ST6GALNAC3: variants seen among roughly 807,000 people sequenced by gnomAD.
The protein encoded by ST6GALNAC3 is alpha-N-acetylgalactosaminide alpha-2,6-sialyltransferase 3.
ST6GALNAC3 carries 25 observed loss-of-function variants against 32.7 expected under a neutral mutation model. The observed-to-expected ratio is 0.76, with a 90% confidence interval of 0.56 to 1.07. The LOEUF is 1.07. Among genes scored for constraint, ST6GALNAC3 ranks in the 50% least tolerant of loss-of-function variants. The pLI, the probability that ST6GALNAC3 is intolerant of heterozygous loss-of-function variation, is 0.00. For synonymous variants in ST6GALNAC3, 129 were observed against 133.1 expected (o/e 0.97, Z 0.21); for missense variants, 355 against 382.4 (o/e 0.93, Z 0.60).
At chr1:76,435,244 G>A (rs1179332295) in intron 3 of ST6GALNAC3, among the ~76,000 whole-genome samples, 1 of 152,052 alleles carries the variant, frequency 6.6e-6, no homozygotes, top group African/African-American at 2.4e-5. Flanking sequence ...ATACAACAAA[G>A]AGGTGACTAT....
At chr1:76,165,589 T>C (rs536717805) in intron 1 of ST6GALNAC3, among the ~76,000 whole-genome samples, 2 of 152,170 alleles carry the variant, frequency 1.3e-5, no homozygotes, top group African/African-American at 4.8e-5. Context: ...CTTTGAGGAG[T>C]CACCAGTGTC....
intron 3 of ST6GALNAC3, among the ~76,000 whole-genome samples, chr1:76,595,834 C>G (rs1234762572): frequency 6.6e-6 from 1 of 152,072 alleles, no homozygotes; most frequent in African/African-American, 2.4e-5. Flanking sequence ...CTTTTACCCT[C>G]CCCACCAAAT....
At chr1:76,451,746 C>G (rs1657420479) in intron 3 of ST6GALNAC3, among the ~76,000 whole-genome samples, 1 of 152,166 alleles carries the variant, frequency 6.6e-6, no homozygotes, top group Non-Finnish European at 1.5e-5. Context: ...AGCAGACCTA[C>G]TGATTTGTGT....
chr1:76,344,697 A>G (rs1343757040), intron 2 of ST6GALNAC3, among the ~76,000 whole-genome samples: 1 of 152,208 alleles, frequency 6.6e-6, no homozygotes, highest in Non-Finnish European at 1.5e-5. Context: ...AGAATATGCT[A>G]TACTTTCCAA....
intron 2 of ST6GALNAC3, among the ~76,000 whole-genome samples, chr1:76,389,947 G>A (rs1002640158): frequency 6.6e-6 from 1 of 151,786 alleles, no homozygotes; most frequent in African/African-American, 2.4e-5. Context: ...TTTCATAATA[G>A]CCAGCAATTT....
intron 3 of ST6GALNAC3, among the ~76,000 whole-genome samples, chr1:76,563,417 C>T (rs927777666): frequency 3.9e-5 from 6 of 152,188 alleles, no homozygotes; most frequent in African/African-American, 1.2e-4. Context: ...CAAGAAGTCA[C>T]GCTCATTGCT....
rs530338367 is a variant in ST6GALNAC3 at position 76,420,217 on chromosome 1, G to A, written c.623+7800G>A. Among the ~76,000 whole-genome samples, 11 of 152,092 alleles carry A rather than the reference G, an allele frequency of 7.2e-5. No individual in the cohort carries two copies. The East Asian group carries it at 1.7e-3, about 24-fold the overall frequency. On this transcript the variant is annotated intron_variant, in intron 3 of 4. Transcript: ENST00000328299. The stretch of plus-strand genomic sequence containing the variant: ...ACAAGTTTCCAGGCCCGGCCATCCT[G>A]TTCATCTGCAGATGGCACTTTGAAT...
At chr1:76,164,010 G>C (rs1290875309) in intron 1 of ST6GALNAC3, among the ~76,000 whole-genome samples, 1 of 152,112 alleles carries the variant, frequency 6.6e-6, no homozygotes, top group African/African-American at 2.4e-5. Flanking sequence ...TTAAGATGTT[G>C]GATTTGTTGA....
intron 1 of ST6GALNAC3, among the ~76,000 whole-genome samples, chr1:76,096,656 A>G (rs1309610553): frequency 1.3e-5 from 2 of 151,802 alleles, no homozygotes; most frequent in African/African-American, 4.8e-5. Flanking sequence ...AAATAGCCCA[A>G]TGATTTATCA....
intron 2 of ST6GALNAC3, among the ~76,000 whole-genome samples, chr1:76,378,922 C>T (rs928612576): frequency 6.6e-6 from 1 of 151,934 alleles, no homozygotes; most frequent in Non-Finnish European, 1.5e-5. Context: ...TTTGAGATGG[C>T]GTCTCACTCT....
chr1:76,387,426 T>A (rs1055573432), intron 2 of ST6GALNAC3, among the ~76,000 whole-genome samples: 4 of 152,160 alleles, frequency 2.6e-5, no homozygotes, highest in Admixed American at 6.5e-5. Context: ...ATCTTTGTTA[T>A]CTTTTGCTAT....
chr1:76,488,763 A>G (rs1660301844), intron 3 of ST6GALNAC3, among the ~76,000 whole-genome samples: 1 of 152,056 alleles, frequency 6.6e-6, no homozygotes, highest in African/African-American at 2.4e-5. Context: ...CTCTGCACAA[A>G]TTTGTGAAGA....
At chr1:76,396,127 A>G (rs1424266365) in intron 2 of ST6GALNAC3, among the ~76,000 whole-genome samples, 1 of 152,146 alleles carries the variant, frequency 6.6e-6, no homozygotes, top group Non-Finnish European at 1.5e-5. Context: ...TAAAAAAGAA[A>G]AAAAGTCCCC....
chr1:76,280,978 T>C (rs1659463931), intron 1 of ST6GALNAC3, among the ~76,000 whole-genome samples: 1 of 152,254 alleles, frequency 6.6e-6, no homozygotes, highest in South Asian at 2.1e-4. Flanking sequence ...CTTTATGCCA[T>C]GCACTGTTCT....
chr1:76,111,152 A>G (rs2577803), intron 1 of ST6GALNAC3, among the ~76,000 whole-genome samples: 3,176 of 152,302 alleles, frequency 0.021, 119 homozygotes, highest in African/African-American at 0.073. Context: ...TCTGTGACTT[A>G]CCAATCTCTA....
intron 1 of ST6GALNAC3, among the ~76,000 whole-genome samples, chr1:76,254,720 T>C (rs189311850): frequency 7.3e-4 from 111 of 152,162 alleles, no homozygotes; most frequent in African/African-American, 1.7e-3. Flanking sequence ...TGGTTTTTTT[T>C]CCCCTATAAT....
intron 1 of ST6GALNAC3, among the ~76,000 whole-genome samples, chr1:76,169,678 G>C (rs11584719): frequency 6.6e-6 from 1 of 151,810 alleles, no homozygotes; most frequent in Admixed American, 6.6e-5. Context: ...CTCTATTCTT[G>C]TCTAACTGTC....
chr1:76,087,902 A>G (rs1294734122), intron 1 of ST6GALNAC3, among the ~76,000 whole-genome samples: 1 of 152,240 alleles, frequency 6.6e-6, no homozygotes, highest in Non-Finnish European at 1.5e-5. Context: ...ATTCATACAC[A>G]TGATTTATTT....
intron 3 of ST6GALNAC3, among the ~76,000 whole-genome samples, chr1:76,474,021 A>G (rs993579625): frequency 1.3e-5 from 2 of 152,142 alleles, no homozygotes; most frequent in African/African-American, 2.4e-5. Context: ...ATGAAAAACC[A>G]TAGAAAGAGA....
Sources: gnomAD v4.1 joint callset for allele counts (sites outside exome capture counted in the v4.1 genomes callset) on GRCh38, gnomAD v4.1.1 for gene constraint, MANE v1.5 for transcripts, NCBI Gene and HGNC (gene_info 2026-07-23, HGNC 2026-07-21) for gene names.